The following SMS variants were observed in gnomAD, a reference collection of about 807,000 sequenced individuals.
SMS encodes spermine synthase.
A neutral mutation model predicts 33.0 loss-of-function variants in SMS; 3 were observed. The observed-to-expected ratio is 0.09, with a 90% CI of 0.04 to 0.23. The LOEUF (loss-of-function observed/expected upper bound fraction) is 0.23. Ranked by LOEUF, SMS falls within the 10% of genes least tolerant of loss-of-function variation. SMS has a pLI of 1.00. For synonymous variants in SMS, 103 were observed against 112.2 expected (o/e 0.92, Z 0.52); for missense variants, 117 against 288.6 (o/e 0.41, Z 4.31).
chrX:21,986,857 T>C (rs1925374208), intron 9 of SMS, among the ~76,000 whole-genome samples: 1 of 111,953 alleles, frequency 8.9e-6, no homozygotes, highest in Non-Finnish European at 1.9e-5. Flanking sequence ...GTAGATACTG[T>C]ATGATCTGCA....
chrX:21,969,089 A>G (rs1350035325), intron 2 of SMS, among the ~76,000 whole-genome samples: 1 of 111,069 alleles, frequency 9.0e-6, no homozygotes, highest in Non-Finnish European at 1.9e-5. Flanking sequence ...CACCTCCATG[A>G]TATTCCAGAG....
At chrX:21,989,060 C>T (rs1158225796) in intron 9 of SMS, among the ~76,000 whole-genome samples, 1 of 110,978 alleles carries the variant, frequency 9.0e-6, no homozygotes, top group Non-Finnish European at 1.9e-5. Context: ...TCCATTTCTG[C>T]ATTTTATAGA....
At chrX:21,981,044 C>T (rs965362631) in intron 7 of SMS, among the ~76,000 whole-genome samples, 1 of 111,636 alleles carries the variant, frequency 9.0e-6, no homozygotes, top group Non-Finnish European at 1.9e-5. Flanking sequence ...AAGAACAGGC[C>T]GGGCTTGGTG....
intron 2 of SMS, among the ~76,000 whole-genome samples, chrX:21,970,844 A>C (rs375235178): frequency 1.8e-5 from 2 of 108,159 alleles, no homozygotes; most frequent in African/African-American, 6.8e-5. Flanking sequence ...TTTACCTATA[A>C]TTTGTAGTAG....
chrX:21,975,670 C>T (rs1340149387), intron 4 of SMS, among the ~76,000 whole-genome samples: 2 of 111,019 alleles, frequency 1.8e-5, no homozygotes, highest in Admixed American at 9.7e-5. Flanking sequence ...TCTAGAATGC[C>T]TCACATTCTG....
At chrX:21,944,522 CAAAAAAAAAAAAA>C (rs777680386) in intron 1 of SMS, among the ~76,000 whole-genome samples, 1 of 34,724 alleles carries the variant, frequency 2.9e-5, no homozygotes, top group Admixed American at 4.9e-4. Context: ...CCTGTCTCTA[CAAAAAAAAAAAAA>C]AAAAAAAAAA....
chrX:21,972,178 T>G (rs1924209788), intron 3 of SMS, among the ~76,000 whole-genome samples, 188 bp downstream of exon 3: 1 of 112,604 alleles, frequency 8.9e-6, no homozygotes, highest in African/African-American at 3.2e-5. Flanking sequence ...CAGCGTTCCC[T>G]TTTAACTGCC....
rs765814334 is a variant in SMS, at chrX:21,969,751, C to G, written c.171-2146C>G. Among the ~76,000 whole-genome samples, 3 of 112,546 alleles carry G rather than the reference C, an allele frequency of 2.7e-5. No homozygotes were observed. The South Asian group carries it at 1.1e-3, about 41-fold the overall frequency. ...GGGTTTTTGAGTGACAAGAGCTGTT[C>G]GGAAACTGCTTCGAAAAGCAATAAA... On this transcript the variant is annotated intron_variant, in intron 2 of 10. Transcript: ENST00000404933.
At chrX:21,949,951 A>G (rs748883558) in intron 1 of SMS, among the ~76,000 whole-genome samples, 7 of 46,299 alleles carry the variant, frequency 1.5e-4, no homozygotes, top group African/African-American at 7.9e-4. Context: ...TCCAAAGTGG[A>G]AAAAAAAAAA....
chrX:21,983,569 C>T (rs1353131530), intron 7 of SMS, among the ~76,000 whole-genome samples: 1 of 111,613 alleles, frequency 9.0e-6, no homozygotes, highest in Non-Finnish European at 1.9e-5. Flanking sequence ...ATGGGAATTC[C>T]AGCTGGTCTC....
chrX:21,985,260 T>C, intron 9 of SMS, 37 bp downstream of exon 9: 1 of 851,365 alleles, frequency 1.2e-6, no homozygotes, highest in Non-Finnish European at 1.8e-6. Flanking sequence ...CAAAACGCTC[T>C]AAGACTTTCC....
intron 4 of SMS, among the ~76,000 whole-genome samples, chrX:21,973,400 G>A (rs1299488368): frequency 5.3e-5 from 6 of 112,908 alleles, no homozygotes; most frequent in Admixed American, 1.9e-4. Flanking sequence ...TCGCACCACT[G>A]CGCTCCATCC....
At chrX:21,986,594 G>A (rs1450342866) in intron 9 of SMS, among the ~76,000 whole-genome samples, 1 of 111,845 alleles carries the variant, frequency 8.9e-6, no homozygotes, top group Non-Finnish European at 1.9e-5. Flanking sequence ...TGGACTTTGC[G>A]CTTGGCAAAA....
At chrX:21,982,040 TACC>T (rs1255954802) in intron 7 of SMS, among the ~76,000 whole-genome samples, 1 of 110,482 alleles carries the variant, frequency 9.1e-6, no homozygotes, top group East Asian at 2.8e-4. Flanking sequence ...CTGTAAAAAG[TACC>T]ACAAGACAGG....
In SMS at chrX:21,950,808, G is replaced by A. The variant is rs149608266; in HGVS notation, c.49+9935G>A. 3.0e-4 allele frequency among the ~76,000 whole-genome samples: 34 copies of A among 111,768 alleles called. No homozygotes were observed. The East Asian group carries it at 9.3e-3, about 31-fold the overall frequency. On this transcript the variant is annotated intron_variant, in intron 1 of 10. Coordinates refer to ENST00000404933, the MANE Select transcript of SMS (RefSeq NM_004595.5). ...TTTTTATGGTTGCATAGTATTCCAT[G>A]GTGTATATGTGCCACATTTTCTTTA...
rs11430711 is a variant in SMS, at chrX:21,982,336, C to CAA, written c.751-1949_751-1948dup. On this transcript the variant is annotated intron_variant, in intron 7 of 10. Coordinates refer to ENST00000404933, the MANE Select transcript of SMS (RefSeq NM_004595.5). The stretch of plus-strand genomic sequence containing the variant: ...CTGGGCGACAGAGCAAGACTTGTCT[C>CAA]AAAAAAAAAAAAAAAAAAAAGTACC... Among the ~76,000 whole-genome samples the CAA allele has an allele frequency of 9.2e-3, 426 of 46,055 alleles. 2 individuals carry two copies. The highest frequency in any genetic ancestry group is 0.03 in the African/African-American group (383 of 12,889). 40.0% of individuals were successfully genotyped at this position (46,055 alleles called of 115,157 possible).
chrX:21,959,271 G>A (rs1366135434), intron 1 of SMS, among the ~76,000 whole-genome samples: 1 of 112,500 alleles, frequency 8.9e-6, no homozygotes, highest in African/African-American at 3.2e-5. Context: ...ACTTTTAATT[G>A]TAAACTAGAA....
intron 4 of SMS, among the ~76,000 whole-genome samples, chrX:21,973,385 T>C (rs1478534201): frequency 4.4e-5 from 5 of 112,779 alleles, no homozygotes; most frequent in African/African-American, 1.6e-4. Context: ...TGCAGTGAGC[T>C]GAGATCGCAC....
chrX:21,981,246 G>A (rs1050248989), intron 7 of SMS, among the ~76,000 whole-genome samples: 1 of 110,172 alleles, frequency 9.1e-6, no homozygotes, highest in South Asian at 3.9e-4. Context: ...CTTGAACCCG[G>A]GAGGTGGAGG....
Sources: gnomAD v4.1 joint callset for allele counts (sites outside exome capture counted in the v4.1 genomes callset) on GRCh38, gnomAD v4.1.1 for gene constraint, MANE v1.5 for transcripts, NCBI Gene and HGNC (gene_info 2026-07-23, HGNC 2026-07-21) for gene names.